The following HMGCS1 variants were observed in gnomAD, a reference collection of about 807,000 sequenced individuals.
The protein encoded by HMGCS1 is hydroxymethylglutaryl-CoA synthase, cytoplasmic.
Under a neutral mutation model 52.3 loss-of-function variants are expected in HMGCS1, and 9 were observed. The ratio of observed to expected loss-of-function variants is 0.17; its 90% CI spans 0.10 to 0.30. The LOEUF is 0.30. HMGCS1 is among the 10% of genes least tolerant of loss of function. HMGCS1 has a pLI of 1.00. For missense variants in HMGCS1, 320 were observed against 620.9 expected, an observed-to-expected ratio of 0.52 and a Z score of 5.15; for synonymous variants, 176 against 214.4, an observed-to-expected ratio of 0.82 and a Z score of 1.57.
intron 8 of HMGCS1, 83 bp from the exon 9 acceptor site, chr5:43,293,056 G>T: frequency 8.7e-7 from 1 of 1,151,710 alleles, no homozygotes; most frequent in South Asian, 1.4e-5. Context: ...GTTGCCAAAT[G>T]AGGCAAAACA....
At chr5:43,295,592 C>T (rs1041806698) in intron 6 of HMGCS1, among the ~76,000 whole-genome samples, 160 bp downstream of exon 6, 2 of 152,194 alleles carry the variant, frequency 1.3e-5, no homozygotes, top group African/African-American at 2.4e-5. Flanking sequence ...TACCACCTCT[C>T]TGGACTTAGA....
At chr5:43,291,710 T>A (rs1753775458) in intron 10 of HMGCS1, among the ~76,000 whole-genome samples, 1 of 152,186 alleles carries the variant, frequency 6.6e-6, no homozygotes, top group Non-Finnish European at 1.5e-5. Context: ...GAGGACAGTA[T>A]CATTTATAAA....
chr5:43,294,273 A>G, intron 7 of HMGCS1, 111 bp from the exon 8 acceptor site: 2 of 672,342 alleles, frequency 3.0e-6, no homozygotes, highest in South Asian at 3.6e-5. Flanking sequence ...AGTAGAATCT[A>G]ACTTAAAGTT....
intron 6 of HMGCS1, 73 bp downstream of exon 6, chr5:43,295,679 T>A: frequency 8.7e-7 from 1 of 1,149,096 alleles, no homozygotes; most frequent in East Asian, 2.4e-5. Flanking sequence ...CTCAGGTCTG[T>A]ACAAATAACA....
intron 1 of HMGCS1, among the ~76,000 whole-genome samples, chr5:43,309,442 C>T (rs1002179505): frequency 6.6e-6 from 1 of 152,032 alleles, no homozygotes; most frequent in Non-Finnish European, 1.5e-5. Context: ...GTTTTGCCAT[C>T]TTTCCCAGGC....
intron 2 of HMGCS1, among the ~76,000 whole-genome samples, chr5:43,299,641 C>T (rs1287928939): frequency 6.7e-6 from 1 of 149,322 alleles, no homozygotes; most frequent in East Asian, 1.9e-4. Flanking sequence ...CAGAGCAAGA[C>T]TCCGTCTCAA....
chr5:43,297,906 C>T, intron 4 of HMGCS1, 103 bp downstream of exon 4: 2 of 913,714 alleles, frequency 2.2e-6, no homozygotes, highest in Non-Finnish European at 3.3e-6. Context: ...CAAGTAGTAC[C>T]TGCATTTAAT....
At chr5:43,294,891 G>A (rs746876113) in intron 6 of HMGCS1, 30 bp from the exon 7 acceptor site, 2 of 1,444,566 alleles carry the variant, frequency 1.4e-6, no homozygotes, top group Admixed American at 1.9e-5. Flanking sequence ...GTTTTACAGT[G>A]TTTAAAGCCT....
At chr5:43,311,381 C>T (rs888480270) in intron 1 of HMGCS1, among the ~76,000 whole-genome samples, 3 of 151,986 alleles carry the variant, frequency 2.0e-5, no homozygotes, top group South Asian at 2.1e-4. Context: ...ATGTATCCCA[C>T]CTTTTAAATC....
At chr5:43,294,486 C>A in intron 7 of HMGCS1, 1 of 495,448 alleles carries the variant, frequency 2.0e-6, no homozygotes, top group Non-Finnish European at 3.5e-6. Context: ...GCCAGGAAAG[C>A]CAGTATGAAA....
At chr5:43,303,499 A>G (rs1441198259) in intron 2 of HMGCS1, among the ~76,000 whole-genome samples, 2 of 152,198 alleles carry the variant, frequency 1.3e-5, no homozygotes, top group Non-Finnish European at 2.9e-5. Flanking sequence ...TGAGATCATA[A>G]ATGTCTGCTG....
intron 2 of HMGCS1, among the ~76,000 whole-genome samples, chr5:43,306,070 G>A (rs1686859947): frequency 6.6e-6 from 1 of 152,102 alleles, no homozygotes; most frequent in Non-Finnish European, 1.5e-5. Context: ...AACCTTTCAA[G>A]TCTTCCAACA....
At chr5:43,295,601 G>C (rs1753992625) in intron 6 of HMGCS1, 151 bp downstream of exon 6, 1 of 576,846 alleles carries the variant, frequency 1.7e-6, no homozygotes, top group Non-Finnish European at 3.1e-6. Flanking sequence ...TCTGGACTTA[G>C]ATTCTTCACT....
At chr5:43,306,060 A>C (rs1754558515) in intron 2 of HMGCS1, among the ~76,000 whole-genome samples, 1 of 152,166 alleles carries the variant, frequency 6.6e-6, no homozygotes, top group African/African-American at 2.4e-5. Flanking sequence ...GAACTTTGTA[A>C]ACCTTTCAAG....
In HMGCS1 at chr5:43,292,810, C is replaced by T. The variant is rs182142394; in HGVS notation, c.1309+38G>A. 4.7e-4 allele frequency: 754 copies of T among 1,605,806 alleles called. 3 individuals carry two copies. In the African/African-American group the frequency reaches 8.4e-3, roughly 18 times the overall value. Reference sequence around the variant, plus strand: ...TAGCATCCTTAATGATATCAGCCCTCCAAATGGGTTAACTTAAAGAACATT... The same window carrying T: ...TAGCATCCTTAATGATATCAGCCCTTCAAATGGGTTAACTTAAAGAACATT... On this transcript the variant is annotated intron_variant, in intron 9 of 10. Coordinates refer to ENST00000325110, the MANE Select transcript of HMGCS1 (RefSeq NM_001098272.3).
intron 1 of HMGCS1, 117 bp downstream of exon 1, chr5:43,313,239 C>T (rs1176768927): frequency 6.6e-6 from 1 of 152,634 alleles, no homozygotes; most frequent in Non-Finnish European, 1.5e-5. Context: ...ACGCCTACGT[C>T]CTGACCCAGA....
At chr5:43,293,967 G>T in intron 8 of HMGCS1, 89 bp downstream of exon 8, 1 of 822,616 alleles carries the variant, frequency 1.2e-6, no homozygotes, top group Non-Finnish European at 2.1e-6. Flanking sequence ...TGCCCGCCTC[G>T]GCCTCCCAAA....
Position 43,294,819 on chromosome 5 carries a change from C to G in HMGCS1, c.948G>C (p.Glu316Asp). 6.2e-7 allele frequency: 1 copy of G among 1,611,340 alleles called. No individual in the cohort carries two copies. The highest frequency in any genetic ancestry group is 1.1e-5 in the South Asian group (1 of 90,844). Residue 316 changes from glutamate (E) to aspartate (D), a missense_variant, in exon 7 of 11, where the codon GAG (glutamate) becomes GAC (aspartate). Glu to Asp is a conservative substitution (Grantham distance 45). Coordinates refer to ENST00000325110, the MANE Select transcript of HMGCS1 (RefSeq NM_001098272.3). Reference protein sequence around the residue: ...LEDTYFDRDVEKAFMKASSEL... With the variant: ...LEDTYFDRDVDKAFMKASSEL... Reference sequence around the variant, plus strand: ...CAGAGCTAGCCTTCATAAATGCCTTCTCCACATCTCTATCAAAGTAGGTGT... The same window carrying G: ...CAGAGCTAGCCTTCATAAATGCCTTGTCCACATCTCTATCAAAGTAGGTGT...
chr5:43,300,659 GTGGTGCATGC>G (rs1754268365), intron 2 of HMGCS1, among the ~76,000 whole-genome samples: 1 of 152,018 alleles, frequency 6.6e-6, no homozygotes, highest in African/African-American at 2.4e-5. Flanking sequence ...GCTGAGCATG[GTGGTGCATGC>G]CTGCAGTCCC....
Sources: gnomAD v4.1 joint callset for allele counts (sites outside exome capture counted in the v4.1 genomes callset) on GRCh38, gnomAD v4.1.1 for gene constraint, MANE v1.5 for transcripts, NCBI Gene and HGNC (gene_info 2026-07-23, HGNC 2026-07-21) for gene names.